FOXN3: variants seen among roughly 807,000 people sequenced by gnomAD.
The protein encoded by FOXN3 is forkhead box N3.
FOXN3 carries 7 observed loss-of-function variants against 38.4 expected under a neutral mutation model. The observed-to-expected ratio is 0.18, with a 90% CI of 0.10 to 0.34. FOXN3 has a LOEUF of 0.34. Ranked by LOEUF, FOXN3 falls within the 10% of genes least tolerant of loss-of-function variation. The probability of loss-of-function intolerance (pLI) is 1.00; values close to 1 mark genes in which losing one functional copy is unlikely to be tolerated. For missense variants in FOXN3, 456 were observed against 613.4 expected, an observed-to-expected ratio of 0.74 and a Z score of 2.71; for synonymous variants, 230 against 242.2, an observed-to-expected ratio of 0.95 and a Z score of 0.47.
At chr14:89,507,062 C>A (rs1184626330) in intron 1 of FOXN3, among the ~76,000 whole-genome samples, 1 of 151,000 alleles carries the variant, frequency 6.6e-6, no homozygotes, top group Non-Finnish European at 1.5e-5. Context: ...ACCTTCCCTC[C>A]ACTATTGTCC....
intron 4 of FOXN3, among the ~76,000 whole-genome samples, chr14:89,237,417 T>C (rs1296821392): frequency 2.6e-5 from 4 of 152,182 alleles, no homozygotes; most frequent in South Asian, 2.1e-4. Flanking sequence ...CTCTGGAAAA[T>C]AGTTTAGCGG....
chr14:89,405,030 G>A (rs1891350977), intron 2 of FOXN3, among the ~76,000 whole-genome samples: 1 of 152,110 alleles, frequency 6.6e-6, no homozygotes, highest in Non-Finnish European at 1.5e-5. Flanking sequence ...TCACGGTTAG[G>A]GGAAATGCTC....
intron 4 of FOXN3, among the ~76,000 whole-genome samples, chr14:89,183,269 G>C (rs1887719312): frequency 1.3e-5 from 2 of 152,168 alleles, no homozygotes; most frequent in African/African-American, 4.8e-5. Flanking sequence ...ATCTCAGGTA[G>C]AGCAACAACT....
At chr14:89,590,051 G>C (rs114299935) in intron 1 of FOXN3, among the ~76,000 whole-genome samples, 1 of 152,166 alleles carries the variant, frequency 6.6e-6, no homozygotes, top group African/African-American at 2.4e-5. Context: ...GCCGAAAGGA[G>C]AAGGAACCTA....
At chr14:89,178,256 C>T (rs559401682) in intron 5 of FOXN3, among the ~76,000 whole-genome samples, 2 of 152,148 alleles carry the variant, frequency 1.3e-5, no homozygotes, top group African/African-American at 4.8e-5. Context: ...AGTGATCCAC[C>T]CGCCGGAGCC....
At chr14:89,313,612 C>T (rs1207361120) in intron 3 of FOXN3, among the ~76,000 whole-genome samples, 2 of 149,698 alleles carry the variant, frequency 1.3e-5, no homozygotes, top group Non-Finnish European at 3.0e-5. Context: ...TACTGTATGA[C>T]GCAGCACATG....
At chr14:89,305,995 C>T (rs961886941) in intron 3 of FOXN3, among the ~76,000 whole-genome samples, 4 of 152,180 alleles carry the variant, frequency 2.6e-5, no homozygotes, top group Admixed American at 1.3e-4. Context: ...TTTTAAAATA[C>T]ATATATATTT....
chr14:89,538,052 G>C (rs1386108469), intron 1 of FOXN3, among the ~76,000 whole-genome samples: 1 of 152,132 alleles, frequency 6.6e-6, no homozygotes, highest in Non-Finnish European at 1.5e-5. Context: ...GACAACAGGA[G>C]GTATCATTTT....
At chr14:89,329,426 C>T (rs751000823) in intron 3 of FOXN3, among the ~76,000 whole-genome samples, 5 of 152,144 alleles carry the variant, frequency 3.3e-5, no homozygotes, top group Non-Finnish European at 5.9e-5. Flanking sequence ...CCCCAGGGAA[C>T]ATCTGGCAAT....
At chr14:89,481,755 A>G (rs543050928) in intron 1 of FOXN3, among the ~76,000 whole-genome samples, 1 of 152,328 alleles carries the variant, frequency 6.6e-6, no homozygotes, top group East Asian at 1.9e-4. Flanking sequence ...GAAGCAACGC[A>G]ACAAAAAGCT....
At chr14:89,572,441 A>C (rs1007134081) in intron 1 of FOXN3, among the ~76,000 whole-genome samples, 5 of 152,224 alleles carry the variant, frequency 3.3e-5, no homozygotes, top group Non-Finnish European at 7.3e-5. Flanking sequence ...GCTCATAGGA[A>C]TAAATTCTGA....
chr14:89,550,872 C>T (rs549561079), intron 1 of FOXN3, among the ~76,000 whole-genome samples: 19 of 152,234 alleles, frequency 1.2e-4, no homozygotes, highest in East Asian at 3.9e-4. Context: ...CATTGTAAGA[C>T]GGAGAGAGCG....
At chr14:89,385,184 T>C (rs1890758044) in intron 2 of FOXN3, among the ~76,000 whole-genome samples, 1 of 152,182 alleles carries the variant, frequency 6.6e-6, no homozygotes, top group Non-Finnish European at 1.5e-5. Flanking sequence ...CCTATATGTC[T>C]TATGGCAAGC....
intron 3 of FOXN3, among the ~76,000 whole-genome samples, chr14:89,336,135 CTT>C (rs1798456832): frequency 1.2e-5 from 1 of 84,210 alleles, no homozygotes; most frequent in East Asian, 3.9e-4. Flanking sequence ...AGAAGTGATC[CTT>C]ACACACACAC....
intron 1 of FOXN3, among the ~76,000 whole-genome samples, chr14:89,543,916 G>C (rs1175785726): frequency 6.6e-6 from 1 of 151,938 alleles, no homozygotes; most frequent in African/African-American, 2.4e-5. Flanking sequence ...GGGTGGGGGG[G>C]AAGTACTCAA....
intron 1 of FOXN3, among the ~76,000 whole-genome samples, chr14:89,477,629 C>G (rs2139755063): frequency 6.6e-6 from 1 of 152,316 alleles, no homozygotes; most frequent in Admixed American, 6.5e-5. Context: ...AAGCCTGCAT[C>G]TTGAGAATAC....
chr14:89,231,721 A>G (rs1470516853), intron 4 of FOXN3, among the ~76,000 whole-genome samples: 1 of 152,126 alleles, frequency 6.6e-6, no homozygotes, highest in Non-Finnish European at 1.5e-5. Flanking sequence ...CGCTCCATGC[A>G]ATACTGTGCT....
intron 1 of FOXN3, among the ~76,000 whole-genome samples, chr14:89,462,976 A>C (rs1036053353): frequency 6.7e-6 from 1 of 149,238 alleles, no homozygotes; most frequent in South Asian, 2.2e-4. Context: ...GAGCCATCGC[A>C]CCCAGCCCTC....
At chr14:89,175,162 T>C (rs1887488799) in intron 5 of FOXN3, among the ~76,000 whole-genome samples, 3 of 152,252 alleles carry the variant, frequency 2.0e-5, no homozygotes, top group African/African-American at 7.2e-5. Context: ...TGTTTGCTAC[T>C]ACAGTCAGAC....
Sources: allele counts gnomAD v4.1 joint callset (sites outside exome capture counted in the v4.1 genomes callset), GRCh38; gene constraint gnomAD v4.1.1; transcripts MANE v1.5; gene names NCBI Gene and HGNC (gene_info 2026-07-23, HGNC 2026-07-21).